The following KCNH5 variants were observed in gnomAD, a reference collection of about 807,000 sequenced individuals.
KCNH5 encodes the protein potassium voltage-gated channel subfamily H member 5.
In KCNH5, 46 loss-of-function variants were observed where a neutral mutation model predicts 96.1. The observed-to-expected ratio is 0.48, with a 90% CI of 0.38 to 0.61. The LOEUF is 0.61. Ranked by LOEUF, KCNH5 falls within the 20% of genes least tolerant of loss-of-function variation. KCNH5 has a pLI of 0.00. For synonymous variants in KCNH5, 439 were observed against 449.8 expected, an observed-to-expected ratio of 0.98 and a Z score of 0.30; for missense variants, 907 against 1,225.8, an observed-to-expected ratio of 0.74 and a Z score of 3.88.
At position 62,701,771 on chromosome 14, in the gene KCNH5, A is replaced by AT; in HGVS notation, c.*5736dup. 6.6e-6 allele frequency: 1 copy of AT among 152,092 alleles called. No individual in the cohort carries two copies. Among genetic ancestry groups the AT allele is most frequent in the Non-Finnish European group, 1.5e-5 (1 of 67,970 alleles). The allele number at this position is 152,092 out of a possible 1,614,324, so 9.4% of individuals were successfully genotyped here. The stretch of plus-strand genomic sequence containing the variant: ...AGAACAAATAAATCACATTCAGAAA[A>AT]TTAACATTTTTTCATTAGAGAAAAT... On this transcript the variant is annotated 3_prime_UTR_variant, in exon 11 of 11. Coordinates refer to ENST00000322893, the MANE Select transcript of KCNH5 (RefSeq NM_139318.5).
At chr14:63,011,956 T>C (rs532756648) in intron 2 of KCNH5, among the ~76,000 whole-genome samples, 3 of 152,288 alleles carry the variant, frequency 2.0e-5, no homozygotes, top group East Asian at 3.9e-4. Flanking sequence ...AAAAAATGTA[T>C]CTGAGAGCAT....
chr14:62,732,467 T>C (rs1277036846), intron 10 of KCNH5, among the ~76,000 whole-genome samples: 1 of 151,626 alleles, frequency 6.6e-6, no homozygotes, highest in African/African-American at 2.4e-5. Context: ...TTTTAGCTCC[T>C]CTCTCCCATC....
At chr14:62,817,124 A>G (rs1326636049) in intron 8 of KCNH5, among the ~76,000 whole-genome samples, 2 of 136,618 alleles carry the variant, frequency 1.5e-5, no homozygotes, top group African/African-American at 5.4e-5. Context: ...TAATATATTT[A>G]TTATAATATA....
chr14:62,718,300 A>G (rs912245831), intron 10 of KCNH5, among the ~76,000 whole-genome samples: 7 of 152,282 alleles, frequency 4.6e-5, no homozygotes, highest in African/African-American at 1.7e-4. Context: ...AAATATAATA[A>G]TAATAATATA....
At chr14:62,849,156 A>T (rs1322770628) in intron 8 of KCNH5, among the ~76,000 whole-genome samples, 1 of 152,206 alleles carries the variant, frequency 6.6e-6, no homozygotes, top group Non-Finnish European at 1.5e-5. Flanking sequence ...GGTAAAGTGG[A>T]AAATAAAGAC....
intron 7 of KCNH5, among the ~76,000 whole-genome samples, chr14:62,856,432 T>G (rs770599660): frequency 4.6e-5 from 7 of 152,252 alleles, no homozygotes; most frequent in African/African-American, 1.7e-4. Flanking sequence ...GATATGATAA[T>G]GCATTGGCAG....
intron 2 of KCNH5, among the ~76,000 whole-genome samples, chr14:63,007,389 C>T (rs954322056): frequency 1.4e-4 from 21 of 152,158 alleles, no homozygotes; most frequent in African/African-American, 4.8e-4. Context: ...CAGAAAGTTA[C>T]ATTCTGAAAA....
At chr14:62,973,941 A>G (rs1890455719) in intron 6 of KCNH5, among the ~76,000 whole-genome samples, 1 of 152,214 alleles carries the variant, frequency 6.6e-6, no homozygotes, top group African/African-American at 2.4e-5. Context: ...AAGCATAATT[A>G]GCCTTCCTGA....
chr14:62,998,629 T>G (rs1010231642), intron 4 of KCNH5, among the ~76,000 whole-genome samples: 6 of 152,190 alleles, frequency 3.9e-5, no homozygotes, highest in African/African-American at 1.4e-4. Flanking sequence ...TTTTGCTGCA[T>G]CTCACAAATT....
intron 7 of KCNH5, among the ~76,000 whole-genome samples, chr14:62,948,157 G>A (rs1043060292): frequency 1.8e-4 from 27 of 152,132 alleles, no homozygotes; most frequent in African/African-American, 4.3e-4. Flanking sequence ...GGACATGAAC[G>A]CATCATTTTT....
chr14:62,981,581 C>T (rs1233749433), intron 5 of KCNH5, among the ~76,000 whole-genome samples: 1 of 152,230 alleles, frequency 6.6e-6, no homozygotes, highest in Non-Finnish European at 1.5e-5. Context: ...TCACATGGCT[C>T]TCATGGACTG....
At chr14:63,017,001 A>G (rs759866149) in intron 1 of KCNH5, 47 bp from the exon 2 acceptor site, 24 of 1,566,800 alleles carry the variant, frequency 1.5e-5, no homozygotes, top group Non-Finnish European at 1.9e-5. Flanking sequence ...TTAATTCAAC[A>G]ATGCACTTAT....
intron 8 of KCNH5, among the ~76,000 whole-genome samples, chr14:62,817,451 T>A (rs1193217148): frequency 6.7e-6 from 1 of 148,782 alleles, no homozygotes; most frequent in Non-Finnish European, 1.5e-5. Context: ...GAAGAGAGAA[T>A]CTGTGAACTT....
At chr14:63,043,613 C>T (rs2139636661) in intron 1 of KCNH5, among the ~76,000 whole-genome samples, 1 of 152,116 alleles carries the variant, frequency 6.6e-6, no homozygotes, top group East Asian at 1.9e-4. Context: ...TTTTTCCGAC[C>T]CAAATACAAC....
intron 3 of KCNH5, among the ~76,000 whole-genome samples, chr14:63,002,383 G>A (rs1439455702): frequency 6.6e-6 from 1 of 152,102 alleles, no homozygotes; most frequent in Non-Finnish European, 1.5e-5. Context: ...AACACTGAAG[G>A]GAAGATTCCA....
chr14:62,761,277 C>T (rs1885743193), intron 10 of KCNH5, among the ~76,000 whole-genome samples: 2 of 151,476 alleles, frequency 1.3e-5, no homozygotes, highest in Admixed American at 6.6e-5. Flanking sequence ...ATCACTTGAA[C>T]CTGGGAGGCG....
chr14:62,975,282 G>C (rs945653590), intron 6 of KCNH5, among the ~76,000 whole-genome samples: 1 of 152,120 alleles, frequency 6.6e-6, no homozygotes, highest in Non-Finnish European at 1.5e-5. Flanking sequence ...ATTAATTAAA[G>C]CTGCTTGGGA....
chr14:62,722,910 A>G (rs1365363024), intron 10 of KCNH5, among the ~76,000 whole-genome samples: 1 of 152,156 alleles, frequency 6.6e-6, no homozygotes, highest in Non-Finnish European at 1.5e-5. Context: ...TGCCAACTCC[A>G]GTGTTCCTTC....
intron 9 of KCNH5, among the ~76,000 whole-genome samples, chr14:62,797,410 A>G (rs1367503291): frequency 6.6e-6 from 1 of 152,214 alleles, no homozygotes; most frequent in Non-Finnish European, 1.5e-5. Context: ...ATCATGATCT[A>G]TAGAACAAAT....
Sources: allele counts gnomAD v4.1 joint callset (sites outside exome capture counted in the v4.1 genomes callset), GRCh38; gene constraint gnomAD v4.1.1; transcripts MANE v1.5; gene names NCBI Gene and HGNC (gene_info 2026-07-23, HGNC 2026-07-21).